The following RPS6KC1 variants were observed in gnomAD, a reference collection of about 807,000 sequenced individuals.
The protein encoded by RPS6KC1 is ribosomal protein S6 kinase C1.
RPS6KC1 carries 54 observed loss-of-function variants against 103.8 expected under a neutral mutation model. The ratio of observed to expected loss-of-function variants is 0.52; its 90% CI spans 0.42 to 0.65. The LOEUF is 0.65. Among genes scored for constraint, RPS6KC1 ranks in the 30% least tolerant of loss-of-function variants. RPS6KC1 has a pLI of 0.00. For missense variants in RPS6KC1, 1,151 were observed against 1,253.8 expected, an observed-to-expected ratio of 0.92 and a Z score of 1.24; for synonymous variants, 439 against 438.7, an observed-to-expected ratio of 1.00 and a Z score of -0.01.
At chr1:213,293,943 G>A in the RPS6KC1 span, among the ~76,000 whole-genome samples, 9 of 152,070 alleles carry the variant, frequency 5.9e-5, no homozygotes, top group African/African-American at 9.7e-5. Flanking sequence ...TCTAACTACC[G>A]TAACACAATG....
chr1:213,758,532 C>G, the RPS6KC1 span, among the ~76,000 whole-genome samples: 2 of 150,866 alleles, frequency 1.3e-5, no homozygotes, highest in Admixed American at 6.6e-5. Flanking sequence ...AAGCCGAGAC[C>G]ACACCACTAC....
the RPS6KC1 span, among the ~76,000 whole-genome samples, chr1:213,588,595 G>A: frequency 1.2e-4 from 18 of 152,056 alleles, no homozygotes; most frequent in African/African-American, 2.7e-4. Context: ...CACCATGCCC[G>A]GCCTCTGTCT....
In RPS6KC1 at chr1:213,129,886, C is replaced by A; in HGVS notation, c.832C>A (p.Gln278Lys). 1 of 1,592,724 alleles carries A rather than the reference C, an allele frequency of 6.3e-7. No homozygotes were observed. The highest frequency in any genetic ancestry group is 1.1e-5 in the South Asian group (1 of 87,290). The change falls in exon 6 of 15, where the codon CAA becomes AAA. Residue 278 changes from glutamine to lysine, a missense_variant. By Grantham distance (53) the Gln-to-Lys change is moderately conservative. Transcript: ENST00000366960. ...KGVDLLLEGV[Q>K]GESSPTRREA... ...AGTTGATTTACTCCTAGAAGGTGTT[C>A]AAGGTATGGTTTTATGTATATTATG...
chr1:213,515,037 G>A, the RPS6KC1 span, among the ~76,000 whole-genome samples: 2 of 152,146 alleles, frequency 1.3e-5, no homozygotes, highest in Admixed American at 6.5e-5. Context: ...CTTTTGAGAA[G>A]TATCTCTTCA....
the RPS6KC1 span, among the ~76,000 whole-genome samples, chr1:213,626,216 T>TGC: frequency 4.6e-5 from 7 of 152,234 alleles, no homozygotes; most frequent in South Asian, 1.2e-3. Flanking sequence ...CTTTTGGCCT[T>TGC]ATAAATGTCT....
chr1:213,360,998 A>G, the RPS6KC1 span, among the ~76,000 whole-genome samples: 3 of 152,176 alleles, frequency 2.0e-5, no homozygotes, highest in Admixed American at 6.5e-5. Flanking sequence ...TAGGCTACTC[A>G]GGGGTCAGGG....
the RPS6KC1 span, among the ~76,000 whole-genome samples, chr1:213,445,027 T>C: frequency 6.6e-6 from 1 of 152,142 alleles, no homozygotes; most frequent in Non-Finnish European, 1.5e-5. Context: ...CTTCTTTTCC[T>C]GCAGCCTTTA....
chr1:213,151,323 G>A (rs1210089272), intron 6 of RPS6KC1, among the ~76,000 whole-genome samples: 4 of 126,442 alleles, frequency 3.2e-5, no homozygotes, highest in South Asian at 2.6e-4. Flanking sequence ...CCTCCCGGAC[G>A]GGGCGGCTGG....
chr1:213,187,055 T>G (rs1279025721), intron 8 of RPS6KC1, among the ~76,000 whole-genome samples: 1 of 152,110 alleles, frequency 6.6e-6, no homozygotes, highest in African/African-American at 2.4e-5. Flanking sequence ...CACAGGCTTG[T>G]GCCAACATAC....
chr1:213,325,438 C>T, the RPS6KC1 span, among the ~76,000 whole-genome samples: 2 of 152,242 alleles, frequency 1.3e-5, no homozygotes, highest in Non-Finnish European at 2.9e-5. Context: ...GCCTTCCACC[C>T]TCCTACTAAA....
the RPS6KC1 span, among the ~76,000 whole-genome samples, chr1:213,803,240 C>CTTTTTTTTTTT: frequency 9.9e-6 from 1 of 101,390 alleles, no homozygotes; most frequent in Non-Finnish European, 2.0e-5. Context: ...AAGGCAGTGG[C>CTTTTTTTTTTT]TTTTTTTTTT....
At chr1:213,215,466 C>A (rs932089520) in intron 8 of RPS6KC1, among the ~76,000 whole-genome samples, 1 of 152,154 alleles carries the variant, frequency 6.6e-6, no homozygotes, top group Admixed American at 6.5e-5. Context: ...AGAATATTAT[C>A]CAGGAGAACT....
At chr1:213,114,495 T>C (rs951466743) in intron 4 of RPS6KC1, among the ~76,000 whole-genome samples, 35 of 152,000 alleles carry the variant, frequency 2.3e-4, no homozygotes, top group African/African-American at 8.5e-4. Context: ...AATCATGTCA[T>C]CTGCAAACAG....
the RPS6KC1 span, among the ~76,000 whole-genome samples, chr1:213,347,681 G>A: frequency 4.6e-5 from 7 of 152,160 alleles, no homozygotes; most frequent in Non-Finnish European, 7.3e-5. Flanking sequence ...TCCATCCTGG[G>A]CAACAGAGTG....
chr1:213,414,968 G>A, the RPS6KC1 span, among the ~76,000 whole-genome samples: 4 of 152,172 alleles, frequency 2.6e-5, no homozygotes, highest in Admixed American at 2.6e-4. Flanking sequence ...TTTGGGGTGG[G>A]TGTGGAGGCC....
chr1:213,530,911 A>T, the RPS6KC1 span, among the ~76,000 whole-genome samples: 7 of 152,258 alleles, frequency 4.6e-5, no homozygotes, highest in Non-Finnish European at 7.3e-5. Context: ...CAGAATAATG[A>T]ACAAGAGAAT....
the RPS6KC1 span, among the ~76,000 whole-genome samples, chr1:213,717,867 G>A: frequency 6.6e-6 from 1 of 152,254 alleles, no homozygotes; most frequent in East Asian, 1.9e-4. Flanking sequence ...CCTCTTCCCA[G>A]AGCTTCAGAG....
chr1:213,605,653 C>T, the RPS6KC1 span, among the ~76,000 whole-genome samples: 2 of 152,172 alleles, frequency 1.3e-5, no homozygotes, highest in Admixed American at 1.3e-4. Flanking sequence ...TCTTGTTCTT[C>T]TAGAACCATA....
the RPS6KC1 span, among the ~76,000 whole-genome samples, chr1:213,814,253 T>G: frequency 1.3e-5 from 2 of 152,214 alleles, no homozygotes; most frequent in Non-Finnish European, 1.5e-5. Context: ...GGCTCTAGAA[T>G]TCTTTCTTGG....
Sources: allele counts gnomAD v4.1 joint callset (sites outside exome capture counted in the v4.1 genomes callset), GRCh38; gene constraint gnomAD v4.1.1; transcripts MANE v1.5; gene names NCBI Gene and HGNC (gene_info 2026-07-23, HGNC 2026-07-21).